STAU1: variants seen among roughly 807,000 people sequenced by gnomAD.
The protein encoded by STAU1 is double-stranded RNA-binding protein Staufen homolog 1.
STAU1 carries 13 observed loss-of-function variants against 62.9 expected under a neutral mutation model. That is an observed-to-expected ratio of 0.21 (90% CI 0.13 to 0.33). The LOEUF (loss-of-function observed/expected upper bound fraction) is 0.33. Among genes scored for constraint, STAU1 ranks in the 10% least tolerant of loss-of-function variants. The pLI is 1.00. For missense variants in STAU1, 571 were observed against 712.1 expected, an observed-to-expected ratio of 0.80 and a Z score of 2.25; for synonymous variants, 269 against 265.1, an observed-to-expected ratio of 1.01 and a Z score of -0.14.
In STAU1 at chr20:49,115,915, C is replaced by T. The variant is rs542698754; in HGVS notation, c.1633-48G>A. 1.6e-5 allele frequency: 25 copies of T among 1,548,948 alleles called. No homozygotes were observed. The South Asian group carries it at 1.8e-4, about 11-fold the overall frequency. On this transcript the variant is annotated intron_variant, in intron 12 of 13. Coordinates refer to ENST00000371856, the MANE Select transcript of STAU1 (RefSeq NM_017453.4). Reference sequence around the variant, plus strand: ...TAAAGCCACAGCCACCGCTTGGGACCACAGCATAATACACTGGTCAGGCAG... The same window carrying T: ...TAAAGCCACAGCCACCGCTTGGGACTACAGCATAATACACTGGTCAGGCAG...
At chr20:49,171,085 T>C (rs767552970) in intron 2 of STAU1, among the ~76,000 whole-genome samples, 1 of 152,256 alleles carries the variant, frequency 6.6e-6, no homozygotes, top group Non-Finnish European at 1.5e-5. Context: ...TGTTAAACTC[T>C]TCCTCAAAGA....
intron 2 of STAU1, among the ~76,000 whole-genome samples, chr20:49,171,777 A>C (rs1040446815): frequency 3.9e-5 from 6 of 152,206 alleles, no homozygotes; most frequent in African/African-American, 1.4e-4. Flanking sequence ...AAGCATGTCA[A>C]TCACTATCGT....
At chr20:49,132,415 C>T (rs775108341) in intron 6 of STAU1, among the ~76,000 whole-genome samples, 4 of 152,148 alleles carry the variant, frequency 2.6e-5, no homozygotes, top group Non-Finnish European at 4.4e-5. Context: ...TCCCGATGAC[C>T]GTATCCATCA....
chr20:49,117,220 T>C lies in STAU1; in HGVS notation c.1538A>G (p.Asn513Ser), dbSNP rs1004328985. 6.2e-7 allele frequency: 1 copy of C among 1,614,116 alleles called. No individual in the cohort carries two copies. The highest frequency in any genetic ancestry group is 8.5e-7 in the Non-Finnish European group (1 of 1,180,008). Residue 513 changes from asparagine to serine, a missense_variant, in exon 12 of 14, where the codon AAC (asparagine) becomes AGC (serine). Transcript: ENST00000371856. The surrounding 1 kb of genome is among the most constrained non-coding windows in gnomAD (Gnocchi z 4.6). ...GATAAGAGATACAAATTCGTTCTTG[T>C]TGTTTTTGGGGAAGTCTTTGTATTC... ...QVEYKDFPKN[N>S]KNEFVSLINC...
At chr20:49,207,434 T>C in the STAU1 span, among the ~76,000 whole-genome samples, 1 of 152,186 alleles carries the variant, frequency 6.6e-6, no homozygotes, top group Non-Finnish European at 1.5e-5. Flanking sequence ...CCTCTTTTTC[T>C]GTCTTCATGT....
chr20:49,147,334 G>A (rs1252522282), intron 5 of STAU1, among the ~76,000 whole-genome samples: 6 of 152,184 alleles, frequency 3.9e-5, no homozygotes, highest in Non-Finnish European at 1.5e-5. Flanking sequence ...CACAGCGCCT[G>A]GCATGGAGGG....
chr20:49,202,724 C>G, the STAU1 span, among the ~76,000 whole-genome samples: 2 of 150,694 alleles, frequency 1.3e-5, no homozygotes, highest in Non-Finnish European at 3.0e-5. Context: ...CATGTCTCTA[C>G]AAAAAGAAAA....
intron 2 of STAU1, among the ~76,000 whole-genome samples, chr20:49,170,307 A>G (rs1246209225): frequency 6.6e-6 from 1 of 152,236 alleles, no homozygotes; most frequent in Admixed American, 6.5e-5. Context: ...CTTTCAACTT[A>G]CAGACTGTTA....
chr20:49,207,812 G>A, the STAU1 span, among the ~76,000 whole-genome samples: 24 of 152,096 alleles, frequency 1.6e-4, no homozygotes, highest in Non-Finnish European at 2.9e-4. Flanking sequence ...GAGCCACCAC[G>A]CCCGGCTCCA....
intron 3 of STAU1, among the ~76,000 whole-genome samples, chr20:49,164,188 C>A (rs574127398): frequency 6.6e-6 from 1 of 152,108 alleles, no homozygotes; most frequent in South Asian, 2.1e-4. Context: ...CAAGATCACA[C>A]CACTGCACTC....
At chr20:49,178,585 C>T (rs767377485) in intron 1 of STAU1, among the ~76,000 whole-genome samples, 1 of 151,554 alleles carries the variant, frequency 6.6e-6, no homozygotes, top group African/African-American at 2.4e-5. Flanking sequence ...ACTGTCTCTA[C>T]TAAAAATAAA....
At chr20:49,206,505 G>A in the STAU1 span, among the ~76,000 whole-genome samples, 1,243 of 121,834 alleles carry the variant, frequency 0.01, 24 homozygotes, top group African/African-American at 0.037. Context: ...CACCGTGCCC[G>A]GCCATCTTCC....
chr20:49,163,588 G>A (rs2093482904), intron 3 of STAU1, among the ~76,000 whole-genome samples: 1 of 151,826 alleles, frequency 6.6e-6, no homozygotes. Flanking sequence ...GCTACACCTG[G>A]CTAATTTTTG....
chr20:49,193,730 A>G, the STAU1 span, among the ~76,000 whole-genome samples: 1 of 152,202 alleles, frequency 6.6e-6, no homozygotes, highest in Non-Finnish European at 1.5e-5. Flanking sequence ...GCACTTTGGG[A>G]GGCCAAGGCA....
At chr20:49,202,288 C>A in the STAU1 span, among the ~76,000 whole-genome samples, 5 of 143,368 alleles carry the variant, frequency 3.5e-5, no homozygotes, top group South Asian at 4.4e-4. Flanking sequence ...GGACACCGGG[C>A]GTGATGGCTC....
intron 3 of STAU1, chr20:49,158,995 C>T (rs2146314851): frequency 7.7e-7 from 1 of 1,299,122 alleles, no homozygotes; most frequent in African/African-American, 1.5e-5. Flanking sequence ...ATATGTTCTG[C>T]AGTCCATCAG....
upstream of STAU1, among the ~76,000 whole-genome samples, chr20:49,190,648 G>C (rs1330566187): frequency 3.3e-5 from 5 of 152,054 alleles, no homozygotes; most frequent in Admixed American, 6.6e-5. Flanking sequence ...GTTTTCTTCT[G>C]TTTGTACCTA....
In STAU1 at chr20:49,117,539, A is replaced by C. The variant is rs559134944; in HGVS notation, c.1509+238T>G. On this transcript the variant is annotated intron_variant, in intron 11 of 13. Transcript: ENST00000371856. The surrounding 1 kb of genome is among the most constrained non-coding windows in gnomAD (Gnocchi z 4.6). ...TTTACAACCACTGCTAGTGGTTAGA[A>C]GCTTTTAGGGTTGGCTTGCATGTTG... Among the ~76,000 whole-genome samples, 79 of 152,334 alleles carry C rather than the reference A, an allele frequency of 5.2e-4. No individual in the cohort carries two copies. Among genetic ancestry groups the C allele is most frequent in the African/African-American group, 1.9e-3 (79 of 41,574 alleles).
intron 6 of STAU1, among the ~76,000 whole-genome samples, chr20:49,132,542 T>TG (rs1652743642): frequency 6.6e-6 from 1 of 152,188 alleles, no homozygotes; most frequent in Non-Finnish European, 1.5e-5. Context: ...GTGGATCACC[T>TG]GAGGTCAGGA....
Sources: gnomAD v4.1 joint callset for allele counts (sites outside exome capture counted in the v4.1 genomes callset) on GRCh38, gnomAD v4.1.1 for gene constraint, Gnocchi (gnomAD v3.1) non-coding constraint, MANE v1.5 for transcripts, NCBI Gene and HGNC (gene_info 2026-07-23, HGNC 2026-07-21) for gene names.